The following PI4KA variants were observed in gnomAD, a reference collection of about 807,000 sequenced individuals.
The protein encoded by PI4KA is phosphatidylinositol 4-kinase alpha.
A neutral mutation model predicts 271.4 loss-of-function variants in PI4KA; 122 were observed. The observed-to-expected ratio is 0.45, with a 90% CI of 0.39 to 0.52. PI4KA has a LOEUF of 0.52. PI4KA is among the 20% of genes least tolerant of loss of function. PI4KA has a pLI of 0.00. For missense variants in PI4KA, 1,969 were observed against 2,769.1 expected (o/e 0.71, Z 6.48); for synonymous variants, 1,041 against 1,078.8 (o/e 0.96, Z 0.69).
intron 4 of PI4KA, among the ~76,000 whole-genome samples, chr22:20,822,948 CTG>C (rs1922901889): frequency 6.6e-6 from 1 of 152,196 alleles, no homozygotes; most frequent in South Asian, 2.1e-4. Context: ...GAGTCTCACT[CTG>C]TTATCCAGGC....
chr22:20,821,392 G>A (rs983559073), intron 4 of PI4KA, among the ~76,000 whole-genome samples: 8 of 149,054 alleles, frequency 5.4e-5, no homozygotes, highest in Non-Finnish European at 8.9e-5. Flanking sequence ...CTAATTTTTT[G>A]TATTTTTAGT....
intron 1 of PI4KA, among the ~76,000 whole-genome samples, chr22:20,853,559 G>T (rs1329676105): frequency 6.6e-6 from 1 of 152,192 alleles, no homozygotes; most frequent in Non-Finnish European, 1.5e-5. Context: ...CTCCCAGAGG[G>T]AGAGGGCTGA....
At chr22:20,719,487 A>G (rs1158687635) in intron 43 of PI4KA, among the ~76,000 whole-genome samples, 1 of 152,144 alleles carries the variant, frequency 6.6e-6, no homozygotes, top group Non-Finnish European at 1.5e-5. Flanking sequence ...TGCCGCATCT[A>G]AGGCAGGCGC....
intron 3 of PI4KA, among the ~76,000 whole-genome samples, chr22:20,832,094 T>C (rs1351900854): frequency 1.3e-5 from 2 of 152,070 alleles, no homozygotes; most frequent in South Asian, 2.1e-4. Flanking sequence ...GTTTGGTCAA[T>C]TCTGTTGTTT....
intron 42 of PI4KA, among the ~76,000 whole-genome samples, chr22:20,722,392 G>T (rs931517094): frequency 6.6e-6 from 1 of 152,120 alleles, no homozygotes; most frequent in African/African-American, 2.4e-5. Context: ...TCGCCATGTT[G>T]TTCAGGCTGG....
At chr22:20,778,789 G>C (rs997563546) in intron 19 of PI4KA, among the ~76,000 whole-genome samples, 1 of 152,030 alleles carries the variant, frequency 6.6e-6, no homozygotes. Context: ...TGACTCTCTG[G>C]GCACTTCCAC....
intron 3 of PI4KA, among the ~76,000 whole-genome samples, chr22:20,828,404 G>A (rs1179871747): frequency 6.6e-6 from 1 of 152,138 alleles, no homozygotes; most frequent in Non-Finnish European, 1.5e-5. Context: ...GGATAGGAGA[G>A]GTGAGAGAGG....
chr22:20,752,373 G>A (rs548921972), intron 25 of PI4KA, among the ~76,000 whole-genome samples: 1 of 152,224 alleles, frequency 6.6e-6, no homozygotes, highest in African/African-American at 2.4e-5. Flanking sequence ...CTGGGGAGCT[G>A]CAGGCAGCCT....
intron 42 of PI4KA, among the ~76,000 whole-genome samples, chr22:20,723,228 G>A (rs1227326208): frequency 1.3e-5 from 2 of 151,584 alleles, no homozygotes; most frequent in Admixed American, 1.3e-4. Flanking sequence ...CACCGTGTTA[G>A]CCAGGATGGT....
chr22:20,818,939 A>G (rs1208242384), intron 6 of PI4KA, among the ~76,000 whole-genome samples: 1 of 152,250 alleles, frequency 6.6e-6, no homozygotes, highest in Admixed American at 6.5e-5. Context: ...GTTGGGGACT[A>G]GCCTCAACAC....
rs183461809 is a variant in PI4KA at position 20,804,570 on chromosome 22, C to T, written c.1361-170G>A. Among the ~76,000 whole-genome samples the T allele has an allele frequency of 7.7e-4, 117 of 152,262 alleles. 3 individuals carry two copies. The highest frequency in any genetic ancestry group is 7.1e-3 in the South Asian group (34 of 4,820). ...TGTGTGACACTCTCTCTCTCTTCTCCGCTGGCCCTAAGCCCCCTTGTCCCC... is the reference window on the plus strand; with the variant it reads ...TGTGTGACACTCTCTCTCTCTTCTCTGCTGGCCCTAAGCCCCCTTGTCCCC... On this transcript the variant is annotated intron_variant, in intron 11 of 54. Coordinates refer to ENST00000255882, the MANE Select transcript of PI4KA (RefSeq NM_058004.4).
chr22:20,803,360 G>A (rs1043722511), intron 12 of PI4KA, 40 bp from the exon 13 acceptor site: 12 of 1,612,558 alleles, frequency 7.4e-6, no homozygotes, highest in Non-Finnish European at 9.3e-6. Flanking sequence ...CCTGTGGTAT[G>A]GGACCATCTG....
intron 7 of PI4KA, among the ~76,000 whole-genome samples, chr22:20,815,399 AAC>A (rs1235637518): frequency 8.9e-4 from 134 of 151,372 alleles, no homozygotes; most frequent in South Asian, 1.5e-3. Flanking sequence ...AAAAAAAAAA[AAC>A]AAATCAAAAC....
In PI4KA at chr22:20,713,383, C is replaced by T; in HGVS notation, c.5469G>A (p.Arg1823=). The part of the protein sequence containing the change: ...GVSELEKEGL[R]CRSDSEDECS... ...ACTCATCCTCGGAGTCTGAGCGGCA[C>T]CGCAGACCTGCCCGCAGGGAGAGAG... Residue 1823 remains arginine (R), a synonymous_variant, in exon 48 of 55, where the codon CGG becomes CGA. Transcript: ENST00000255882. 5.7e-6 allele frequency: 9 copies of T among 1,573,992 alleles called. No homozygotes were observed. The highest frequency in any genetic ancestry group is 7.8e-6 in the Non-Finnish European group (9 of 1,157,996).
intron 51 of PI4KA, 44 bp from the exon 52 acceptor site, chr22:20,710,902 G>A: frequency 6.2e-7 from 1 of 1,606,430 alleles, no homozygotes; most frequent in South Asian, 1.1e-5. Flanking sequence ...TAGGAGCCAG[G>A]GCGGGCAAGG....
chr22:20,758,459 CTT>C (rs35401829), intron 23 of PI4KA, among the ~76,000 whole-genome samples: 5 of 85,014 alleles, frequency 5.9e-5, no homozygotes, highest in Admixed American at 1.6e-4. Context: ...TCTTTCTTTT[CTT>C]TTTTTTTTTT....
intron 3 of PI4KA, among the ~76,000 whole-genome samples, chr22:20,827,852 T>C (rs1056900232): frequency 6.6e-6 from 1 of 152,200 alleles, no homozygotes; most frequent in African/African-American, 2.4e-5. Context: ...TGGAGGGCAG[T>C]GGCACAATCG....
At chr22:20,858,179 T>G (rs1000253905) in intron 1 of PI4KA, among the ~76,000 whole-genome samples, 2 of 152,076 alleles carry the variant, frequency 1.3e-5, no homozygotes, top group African/African-American at 4.8e-5. Context: ...AAAAAGCAGG[T>G]GAAATCGGAA....
At chr22:20,732,152 C>T (rs1034498818) in intron 36 of PI4KA, among the ~76,000 whole-genome samples, 1 of 149,684 alleles carries the variant, frequency 6.7e-6, no homozygotes, top group African/African-American at 2.5e-5. Context: ...CCAGCCTGGG[C>T]GACAGATCAA....
Sources: allele counts gnomAD v4.1 joint callset (sites outside exome capture counted in the v4.1 genomes callset), GRCh38; gene constraint gnomAD v4.1.1; transcripts MANE v1.5; gene names NCBI Gene and HGNC (gene_info 2026-07-23, HGNC 2026-07-21).